FLNC: variants seen among roughly 807,000 people sequenced by gnomAD.
FLNC encodes filamin C.
Under a neutral mutation model 254.3 loss-of-function variants are expected in FLNC, and 91 were observed. The observed-to-expected ratio is 0.36, with a 90% confidence interval of 0.30 to 0.43. FLNC has a LOEUF of 0.43. FLNC is among the 20% of genes least tolerant of loss of function. The pLI is 1.00. For missense variants in FLNC, 2,853 were observed against 3,802.6 expected (o/e 0.75, Z 6.57); for synonymous variants, 1,430 against 1,577.2 (o/e 0.91, Z 2.21).
rs376975967 is a variant in FLNC at position 128,840,660 on chromosome 7, C to T, written c.1662C>T (p.Tyr554=). 50 of 1,613,856 alleles carry T rather than the reference C, an allele frequency of 3.1e-5. 1 individual carries two copies. The East Asian group carries it at 4.5e-4, about 14-fold the overall frequency. ...KYVVTITWGG[Y]AIPRSPFEVQ... is the part of the protein sequence containing the mutation. Reference sequence around the variant, plus strand: ...TGGTGACCATCACGTGGGGCGGCTACGCCATCCCTCGCAGGTGAGTACCTT... The same window carrying T: ...TGGTGACCATCACGTGGGGCGGCTATGCCATCCCTCGCAGGTGAGTACCTT... Residue 554 remains tyrosine (Y), a synonymous_variant, in exon 10 of 48, where the codon TAC becomes TAT. Coordinates refer to ENST00000325888, the MANE Select transcript of FLNC (RefSeq NM_001458.5).
chr7:128,845,594 G>C (rs568816463), intron 21 of FLNC, among the ~76,000 whole-genome samples: 83 of 152,304 alleles, frequency 5.4e-4, no homozygotes, highest in Non-Finnish European at 8.5e-4. Flanking sequence ...CTTTGGGGTA[G>C]AGGATGACAA....
intron 26 of FLNC, 55 bp from the exon 27 acceptor site, chr7:128,848,506 C>T: frequency 6.3e-7 from 1 of 1,592,512 alleles, no homozygotes; most frequent in Non-Finnish European, 8.6e-7. Flanking sequence ...GAGATCACCC[C>T]CCACCGCCCC....
Position 128,830,765 on chromosome 7 carries a change from C to A in FLNC, c.128C>A (p.Thr43Lys). ...AAGAAGATCCAGCAGAACACATTCA[C>A]GCGCTGGTGCAATGAGCACCTCAAG... ...PWKKIQQNTF[T>K]RWCNEHLKCV... The change falls in exon 1 of 48, where the codon ACG becomes AAG. Residue 43 changes from threonine (T) to lysine (K), a missense_variant. By Grantham distance (78) the Thr-to-Lys change is moderately conservative. Coordinates refer to ENST00000325888, the MANE Select transcript of FLNC (RefSeq NM_001458.5). 6.2e-7 allele frequency: 1 copy of A among 1,613,200 alleles called. No homozygotes were observed. Among genetic ancestry groups the A allele is most frequent in the Non-Finnish European group, 8.5e-7 (1 of 1,179,946 alleles).
At chr7:128,849,287 G>A (rs754001609) in intron 29 of FLNC, 44 bp from the exon 30 acceptor site, 4 of 1,614,084 alleles carry the variant, frequency 2.5e-6, no homozygotes, top group East Asian at 4.5e-5. Flanking sequence ...GAGAGGGCTG[G>A]CTCCAGCCCA....
intron 24 of FLNC, 104 bp downstream of exon 24, chr7:128,847,009 A>G: frequency 8.3e-6 from 12 of 1,441,394 alleles, no homozygotes; most frequent in Non-Finnish European, 2.9e-6. Context: ...GAATGTTCAT[A>G]GAGAGGACAG....
chr7:128,849,616 G>T lies in FLNC; in HGVS notation c.5199+38G>T, dbSNP rs895463772. On this transcript the variant is annotated intron_variant, in intron 30 of 47. Transcript: ENST00000325888. Reference sequence around the variant, plus strand: ...GCCACAGCAAGACTAGATGGCTGGGGAGGGGGGCCTGGCCCTTTTAGCAGC... The same window carrying T: ...GCCACAGCAAGACTAGATGGCTGGGTAGGGGGGCCTGGCCCTTTTAGCAGC... 9 of 1,608,548 alleles carry T rather than the reference G, an allele frequency of 5.6e-6. No homozygotes were observed. In the African/African-American group the frequency reaches 9.3e-5, roughly 17 times the overall value.
At position 128,841,958 on chromosome 7, in the gene FLNC, A is replaced by G. The variant is rs1317718562; in HGVS notation, c.2122-273A>G. Among the ~76,000 whole-genome samples the G allele has an allele frequency of 1.3e-5, 2 of 152,148 alleles. No individual in the cohort carries two copies. Among genetic ancestry groups the G allele is most frequent in the African/African-American group, 4.8e-5 (2 of 41,438 alleles). ...TCATGATTCAGTTTTAGGAACATAA[A>G]TTTAGCCCACACTCTTCCTGTCCAA... On this transcript the variant is annotated intron_variant, in intron 13 of 47. Coordinates refer to ENST00000325888, the MANE Select transcript of FLNC (RefSeq NM_001458.5). The surrounding 1 kb of genome is among the most constrained non-coding windows in gnomAD (Gnocchi z 4.3).
intron 1 of FLNC, among the ~76,000 whole-genome samples, chr7:128,831,643 G>T (rs1353251148): frequency 6.6e-6 from 1 of 152,234 alleles, no homozygotes; most frequent in Non-Finnish European, 1.5e-5. Flanking sequence ...TCCTGCTTCA[G>T]CCTGCGGTGG....
In FLNC at chr7:128,851,540, T is replaced by C. The variant is rs764539989; in HGVS notation, c.5754T>C (p.Tyr1918=). 3.7e-6 allele frequency: 6 copies of C among 1,613,980 alleles called. No homozygotes were observed. The highest frequency in any genetic ancestry group is 5.1e-6 in the Non-Finnish European group (6 of 1,180,040). ...AGGATGGCACCTGCACCGTGTCCTATCTGCCGACTGCGCCTGGAGACTACA... is the reference window on the plus strand; with the variant it reads ...AGGATGGCACCTGCACCGTGTCCTACCTGCCGACTGCGCCTGGAGACTACA... ...DNKDGTCTVS[Y]LPTAPGDYSI... The change falls in exon 35 of 48, where the codon TAT becomes TAC. Residue 1918 remains tyrosine (Y), a synonymous_variant. Coordinates refer to ENST00000325888, the MANE Select transcript of FLNC (RefSeq NM_001458.5).
chr7:128,851,717 C>A, intron 35 of FLNC, 89 bp downstream of exon 35: 1 of 1,393,624 alleles, frequency 7.2e-7, no homozygotes, highest in Non-Finnish European at 1.0e-6. Flanking sequence ...GTTCAAGTCA[C>A]TCGTGACATT....
rs1809133525 is a variant in FLNC, at chr7:128,857,838, G to A, written c.7781-170G>A. Among the ~76,000 whole-genome samples, 1 of 152,166 alleles carries A rather than the reference G, an allele frequency of 6.6e-6. No homozygotes were observed. On this transcript the variant is annotated intron_variant, in intron 46 of 47. Coordinates refer to ENST00000325888, the MANE Select transcript of FLNC (RefSeq NM_001458.5). The surrounding 1 kb of genome is among the most constrained non-coding windows in gnomAD (Gnocchi z 4.5). The stretch of plus-strand genomic sequence containing the variant: ...TTGGAGCTGGCAGCTCAGGGCCCTG[G>A]CTGGGAATGAGGCTGTGCTCCTAGA...
chr7:128,841,424 C>A lies in FLNC; in HGVS notation c.2008-30C>A, dbSNP rs375122601. On this transcript the variant is annotated intron_variant, in intron 12 of 47. Transcript: ENST00000325888. This position sits in a 1 kb window ranked among gnomAD's most constrained non-coding sequence, Gnocchi z 4.3. Reference sequence around the variant, plus strand: ...TGGGGCAAGCTGGTTCTCCTCCCCTCCCCAACTCAGCCTTCTTCCCTCCGC... The same window carrying A: ...TGGGGCAAGCTGGTTCTCCTCCCCTACCCAACTCAGCCTTCTTCCCTCCGC... The A allele has an allele frequency of 6.0e-5, 97 of 1,612,370 alleles. No individual in the cohort carries two copies. In the African/African-American group the frequency reaches 1.0e-3, roughly 17 times the overall value.
chr7:128,841,196 G>A lies in FLNC; in HGVS notation c.1840G>A (p.Ala614Thr), dbSNP rs746183882. The change falls in exon 12 of 48, where the codon GCC becomes ACC. Residue 614 changes from alanine to threonine, a missense_variant. Ala to Thr is a moderately conservative substitution (Grantham distance 58). Transcript: ENST00000325888. The surrounding 1 kb of genome is among the most constrained non-coding windows in gnomAD (Gnocchi z 4.3). ...LGFSIEGPSQ[A>T]KIECDDKGDG... ...CTTCTCCATCGAGGGGCCCTCACAA[G>A]CCAAGATCGAATGTGACGACAAGGG... The A allele has an allele frequency of 8.1e-6, 13 of 1,613,910 alleles. No homozygotes were observed. The highest frequency in any genetic ancestry group is 1.1e-5 in the Non-Finnish European group (13 of 1,179,992).
chr7:128,837,896 G>A (rs1214064269), intron 5 of FLNC, 91 bp from the exon 6 acceptor site: 15 of 1,378,748 alleles, frequency 1.1e-5, no homozygotes, highest in Admixed American at 3.4e-5. Context: ...TCACCATGGG[G>A]GCTGAGTGGG....
At position 128,841,627 on chromosome 7, in the gene FLNC, G is replaced by GGGCCA; in HGVS notation, c.2121+67_2121+71dup. 7.4e-7 allele frequency: 1 copy of GGGCCA among 1,353,522 alleles called. No individual in the cohort carries two copies. The highest frequency in any genetic ancestry group is 1.1e-6 in the Non-Finnish European group (1 of 942,642). The allele number at this position is 1,353,522 out of a possible 1,614,324, so 83.8% of individuals were successfully genotyped here. A position where few individuals can be genotyped will look rare whatever the true frequency, so the allele number is the denominator to read the frequency against. On this transcript the variant is annotated intron_variant, in intron 13 of 47. Coordinates refer to ENST00000325888, the MANE Select transcript of FLNC (RefSeq NM_001458.5). The surrounding 1 kb of genome is among the most constrained non-coding windows in gnomAD (Gnocchi z 4.3). The stretch of plus-strand genomic sequence containing the variant: ...CCCATGGCAGGGACCCTGGAAGGCA[G>GGGCCA]GGCCAGGCCAGAGGCAGAGGCCTCC...
chr7:128,844,656 A>G lies in FLNC; in HGVS notation c.3193-2A>G, dbSNP rs749889670. The stretch of plus-strand genomic sequence containing the variant: ...GAACCCACAACCTGCCTCTTCCCCT[A>G]GGTCTGTGCTTATGGCCCGGGTCTC... On this transcript the variant is annotated splice_acceptor_variant, in intron 20 of 47. Coordinates refer to ENST00000325888, the MANE Select transcript of FLNC (RefSeq NM_001458.5). LOFTEE classifies it high-confidence loss of function. The G allele has an allele frequency of 6.2e-7, 1 of 1,610,976 alleles. No individual in the cohort carries two copies. The highest frequency in any genetic ancestry group is 8.5e-7 in the Non-Finnish European group (1 of 1,179,842).
At chr7:128,850,539 C>T (rs534088411) in intron 32 of FLNC, 56 bp downstream of exon 32, 4 of 1,419,434 alleles carry the variant, frequency 2.8e-6, no homozygotes, top group East Asian at 4.5e-5. Flanking sequence ...CTCTTCCAGG[C>T]CCAGTCCTGT....
At chr7:128,834,441 AAGACTTAACTG>A (rs1216165977) in intron 1 of FLNC, among the ~76,000 whole-genome samples, 1 of 151,292 alleles carries the variant, frequency 6.6e-6, no homozygotes, top group Non-Finnish European at 1.5e-5. Flanking sequence ...CATGACTTTC[AAGACTTAACTG>A]AGAATGTACT....
intron 43 of FLNC, 111 bp downstream of exon 43, chr7:128,855,425 G>C: frequency 1.3e-6 from 1 of 754,566 alleles, no homozygotes; most frequent in Non-Finnish European, 2.3e-6. Context: ...GGAAGGGCCA[G>C]TTAGGAGTCC....
Sources: allele counts gnomAD v4.1 joint callset (sites outside exome capture counted in the v4.1 genomes callset), GRCh38; gene constraint gnomAD v4.1.1; non-coding constraint Gnocchi (gnomAD v3.1); transcripts MANE v1.5; gene names NCBI Gene and HGNC (gene_info 2026-07-23, HGNC 2026-07-21).